Variants in TFAP2A observed in about 807,000 individuals in gnomAD.
The protein encoded by TFAP2A is transcription factor AP-2-alpha.
A neutral mutation model predicts 41.5 loss-of-function variants in TFAP2A; 7 were observed. The ratio of observed to expected loss-of-function variants is 0.17; its 90% CI spans 0.10 to 0.32. The LOEUF (loss-of-function observed/expected upper bound fraction) is 0.32. Ranked by LOEUF, TFAP2A falls within the 10% of genes least tolerant of loss-of-function variation. The probability of loss-of-function intolerance (pLI) is 1.00; values close to 1 mark genes in which losing one functional copy is unlikely to be tolerated. For missense variants in TFAP2A, 416 were observed against 563.3 expected (o/e 0.74, Z 2.65); for synonymous variants, 247 against 242.8 (o/e 1.02, Z -0.16).
At chr6:10,400,827 A>G (rs1346826413) in intron 5 of TFAP2A, 2 of 674,500 alleles carry the variant, frequency 3.0e-6, no homozygotes. Context: ...TGAAAATCTC[A>G]TCCACCAACC....
Position 10,398,119 on chromosome 6 carries a change from T to C in TFAP2A, c.*298A>G. On this transcript the variant is annotated 3_prime_UTR_variant, in exon 7 of 7. Coordinates refer to ENST00000379613, the MANE Select transcript of TFAP2A (RefSeq NM_001372066.1). This position sits in a 1 kb window ranked among gnomAD's most constrained non-coding sequence, Gnocchi z 5.3. ...GGGTTCACAAACTTGGCAGAACTTT[T>C]CTCTGCTGGCTTCACGGCCTGTTCT... 1 of 1,298,562 alleles carries C rather than the reference T, an allele frequency of 7.7e-7. No individual in the cohort carries two copies. The highest frequency in any genetic ancestry group is 9.8e-7 in the Non-Finnish European group (1 of 1,024,442). 80.4% of individuals were successfully genotyped at this position (1,298,562 alleles called of 1,614,324 possible).
upstream of TFAP2A, chr6:10,417,101 A>G (rs1376716721): frequency 2.0e-5 from 3 of 152,692 alleles, no homozygotes; most frequent in Non-Finnish European, 2.9e-5. Flanking sequence ...AGCAGCGGCC[A>G]TAGCCTGAGC....
intron 3 of TFAP2A, 97 bp from the exon 4 acceptor site, chr6:10,404,836 G>A: frequency 1.8e-6 from 2 of 1,115,952 alleles, no homozygotes; most frequent in East Asian, 2.4e-5. Context: ...CCGGATCCCA[G>A]GCTTTGGGCC....
intron 1 of TFAP2A, among the ~76,000 whole-genome samples, chr6:10,414,220 G>C (rs2613862): frequency 6.6e-6 from 1 of 152,226 alleles, no homozygotes; most frequent in African/African-American, 2.4e-5. Flanking sequence ...GCTCGGCGCA[G>C]CACATCTCCC....
intron 1 of TFAP2A, chr6:10,411,617 C>T: frequency 1.2e-6 from 2 of 1,613,914 alleles, no homozygotes; most frequent in East Asian, 2.2e-5. Flanking sequence ...TCTGGGGTAA[C>T]GAGTCAGGGT....
chr6:10,404,553 G>T lies in TFAP2A; in HGVS notation c.725C>A (p.Pro242Gln), dbSNP rs1453058626. Reference protein sequence around the residue: ...TVAEVQRRLSPPECLNASLLG... With the variant: ...TVAEVQRRLSQPECLNASLLG... The stretch of plus-strand genomic sequence containing the variant: ...CAGCGACGCGTTGAGACACTCGGGT[G>T]GTGAGAGCCGCCGCTGCACTTCCGC... Residue 242 changes from proline (P) to glutamine (Q), a missense_variant, in exon 4 of 7, where the codon CCA (proline) becomes CAA (glutamine). Pro to Gln is a moderately conservative substitution (Grantham distance 76). Coordinates refer to ENST00000379613, the MANE Select transcript of TFAP2A (RefSeq NM_001372066.1). 1.2e-6 allele frequency: 2 copies of T among 1,613,726 alleles called. No homozygotes were observed. The highest frequency in any genetic ancestry group is 2.2e-5 in the East Asian group (1 of 44,846).
chr6:10,415,410 G>C (rs1385626668), upstream of TFAP2A: 2 of 506,190 alleles, frequency 4.0e-6, no homozygotes, highest in Admixed American at 8.2e-5. Flanking sequence ...CCGCGAACTT[G>C]CTTCTAGAGC....
chr6:10,409,775 A>C (rs1757870267), intron 2 of TFAP2A, 126 bp downstream of exon 2: 1 of 1,204,614 alleles, frequency 8.3e-7, no homozygotes, highest in African/African-American at 1.5e-5. Context: ...GCCTCCGAAT[A>C]AAATGTTTTT....
rs1208782432 is a variant in TFAP2A at position 10,404,734 on chromosome 6, C to T, written c.544G>A (p.Val182Met). ...TTGCTGTTGGACTTGGACAGGGACA[C>T]GGGGCCTGCGGAGACAGAGGGGAGG... is the stretch of plus-strand genomic sequence containing the variant. The part of the protein sequence containing the change: ...PDQTVIKKGP[V>M]SLSKSNSNAV... Residue 182 changes from valine to methionine, a missense_variant, in exon 4 of 7, where the codon GTG becomes ATG. Val to Met is a conservative substitution (Grantham distance 21). Coordinates refer to ENST00000379613, the MANE Select transcript of TFAP2A (RefSeq NM_001372066.1). 6.2e-7 allele frequency: 1 copy of T among 1,614,066 alleles called. No homozygotes were observed. The highest frequency in any genetic ancestry group is 8.5e-7 in the Non-Finnish European group (1 of 1,179,916).
chr6:10,400,839 C>G (rs1204601672), intron 5 of TFAP2A: 1 of 661,900 alleles, frequency 1.5e-6, no homozygotes, highest in Non-Finnish European at 2.8e-6. Context: ...CCACCAACCT[C>G]CAGTCCCATC....
At position 10,398,284 on chromosome 6, in the gene TFAP2A, G is replaced by T. The variant is rs1308939096; in HGVS notation, c.*133C>A. The stretch of plus-strand genomic sequence containing the variant: ...CTCGGGGGGACCCAAGGGCAGCGGC[G>T]GCGGCGGCGGCGGCAGCAGCAGCAG... On this transcript the variant is annotated 3_prime_UTR_variant, in exon 7 of 7. Transcript: ENST00000379613. This position sits in a 1 kb window ranked among gnomAD's most constrained non-coding sequence, Gnocchi z 5.3. 11 of 1,576,844 alleles carry T rather than the reference G, an allele frequency of 7.0e-6. No individual in the cohort carries two copies.
chr6:10,402,066 C>G, intron 5 of TFAP2A: 1 of 349,982 alleles, frequency 2.9e-6, no homozygotes, highest in Admixed American at 4.0e-5. Context: ...GGCACATAAC[C>G]CTGAGCTTTC....
chr6:10,402,369 C>T (rs1391133764), intron 5 of TFAP2A, 123 bp downstream of exon 5: 4 of 800,540 alleles, frequency 5.0e-6, no homozygotes, highest in Non-Finnish European at 9.1e-6. Context: ...TCACATCTGG[C>T]TATATTCTCT....
chr6:10,419,571 C>G (rs1758359007), upstream of TFAP2A: 1 of 1,313,746 alleles, frequency 7.6e-7, no homozygotes, highest in Non-Finnish European at 1.1e-6. Flanking sequence ...CAACATCTCA[C>G]CTGGTCATAA....
chr6:10,404,477 G>C, intron 4 of TFAP2A, 31 bp downstream of exon 4: 7 of 1,459,828 alleles, frequency 4.8e-6, no homozygotes, highest in Non-Finnish European at 6.4e-6. Flanking sequence ...CGGCCGCGGG[G>C]CGGGGCGGGC....
upstream of TFAP2A, chr6:10,419,652 C>G (rs1175914538): frequency 1.5e-6 from 1 of 657,964 alleles, no homozygotes; most frequent in East Asian, 2.7e-5. Context: ...GCAGTCCCAG[C>G]GCCGCACAGA....
At chr6:10,418,771 C>G (rs1429950130), upstream of TFAP2A, 1 of 153,228 alleles carries the variant, frequency 6.5e-6, no homozygotes, top group Non-Finnish European at 1.5e-5. Context: ...ACTCCCTCAT[C>G]CGTAGCCCAG....
chr6:10,408,874 C>T (rs2763068), intron 2 of TFAP2A, among the ~76,000 whole-genome samples: 4 of 152,242 alleles, frequency 2.6e-5, no homozygotes, highest in East Asian at 1.9e-4. Context: ...AAACTGTCAA[C>T]GGACATACTG....
At chr6:10,406,955 C>CGTATA in intron 2 of TFAP2A, 111 bp from the exon 3 acceptor site, 1 of 855,280 alleles carries the variant, frequency 1.2e-6, no homozygotes, top group Non-Finnish European at 2.0e-6. Context: ...TTCCCCCTCC[C>CGTATA]GTATAATGAC....
Sources: allele counts gnomAD v4.1 joint callset (sites outside exome capture counted in the v4.1 genomes callset), GRCh38; gene constraint gnomAD v4.1.1; non-coding constraint Gnocchi (gnomAD v3.1); transcripts MANE v1.5; gene names NCBI Gene and HGNC (gene_info 2026-07-23, HGNC 2026-07-21).